Variants in ELF1 observed in about 807,000 individuals in gnomAD.
ELF1 encodes the protein ETS-related transcription factor Elf-1.
In ELF1, 24 loss-of-function variants were observed where a neutral mutation model predicts 59.9. That is an observed-to-expected ratio of 0.40 (90% CI 0.29 to 0.56). The LOEUF is 0.56. Among genes scored for constraint, ELF1 ranks in the 20% least tolerant of loss-of-function variants. The probability of loss-of-function intolerance (pLI) is 0.44; values close to 1 mark genes in which losing one functional copy is unlikely to be tolerated. For synonymous variants in ELF1, 248 were observed against 266.2 expected, an observed-to-expected ratio of 0.93 and a Z score of 0.67; for missense variants, 627 against 742.2, an observed-to-expected ratio of 0.84 and a Z score of 1.80.
intron 1 of ELF1, among the ~76,000 whole-genome samples, chr13:41,033,689 G>A (rs1264896783): frequency 6.6e-6 from 1 of 152,194 alleles, no homozygotes; most frequent in Non-Finnish European, 1.5e-5. Flanking sequence ...CTCCTTATGA[G>A]AATCTAACGC....
chr13:40,940,724 T>C (rs111381229), intron 8 of ELF1, among the ~76,000 whole-genome samples, 197 bp downstream of exon 8: 2 of 152,348 alleles, frequency 1.3e-5, no homozygotes, highest in African/African-American at 2.4e-5. Context: ...AATGTCAAAA[T>C]GTAAATAAAG....
chr13:41,049,079 C>G (rs1876981198), intron 1 of ELF1, among the ~76,000 whole-genome samples: 1 of 152,190 alleles, frequency 6.6e-6, no homozygotes, highest in Non-Finnish European at 1.5e-5. Context: ...TGCCCCAATT[C>G]TGGACTACTC....
exon 1 of ELF1, chr13:41,060,847 A>C (rs556041668): frequency 4.6e-5 from 14 of 303,174 alleles, no homozygotes; most frequent in African/African-American, 2.9e-4. Flanking sequence ...CCTGACAAGC[A>C]TAAGTGCCTC....
chr13:40,958,187 A>C (rs920056727), intron 3 of ELF1, among the ~76,000 whole-genome samples: 13 of 152,264 alleles, frequency 8.5e-5, no homozygotes, highest in African/African-American at 2.9e-4. Flanking sequence ...CTACAATCTC[A>C]CATTTATGTA....
upstream of ELF1, among the ~76,000 whole-genome samples, chr13:41,022,293 G>T (rs1400184235): frequency 6.6e-6 from 1 of 152,186 alleles, no homozygotes; most frequent in Non-Finnish European, 1.5e-5. Flanking sequence ...GCATTAGGCT[G>T]AACAAAATAA....
intron 5 of ELF1, among the ~76,000 whole-genome samples, chr13:40,947,651 C>T (rs945043416): frequency 6.6e-5 from 10 of 152,132 alleles, no homozygotes; most frequent in Non-Finnish European, 1.5e-5. Flanking sequence ...AACTATGGGG[C>T]ACCAGGCAGA....
At chr13:40,978,079 G>T (rs1470943724) in intron 2 of ELF1, among the ~76,000 whole-genome samples, 1 of 152,106 alleles carries the variant, frequency 6.6e-6, no homozygotes, top group Admixed American at 6.5e-5. Flanking sequence ...ACATATGAAA[G>T]ATACTAGAAG....
At chr13:40,975,246 T>G (rs557797942) in intron 2 of ELF1, among the ~76,000 whole-genome samples, 9 of 152,354 alleles carry the variant, frequency 5.9e-5, no homozygotes, top group Non-Finnish European at 1.0e-4. Flanking sequence ...CTTTATGAGG[T>G]ACACCTAATC....
chr13:41,010,684 A>G (rs927495626), intron 1 of ELF1, among the ~76,000 whole-genome samples: 3 of 152,134 alleles, frequency 2.0e-5, no homozygotes, highest in Non-Finnish European at 4.4e-5. Flanking sequence ...ATATCCCAAC[A>G]TCAAGAATAA....
At chr13:41,009,943 G>C (rs1302317095) in intron 1 of ELF1, among the ~76,000 whole-genome samples, 1 of 151,668 alleles carries the variant, frequency 6.6e-6, no homozygotes, top group Non-Finnish European at 1.5e-5. Flanking sequence ...GGACCACAAA[G>C]AGCCTTTGTT....
At chr13:41,037,007 G>A (rs1405290715) in intron 1 of ELF1, among the ~76,000 whole-genome samples, 4 of 152,088 alleles carry the variant, frequency 2.6e-5, no homozygotes, top group Middle Eastern at 6.8e-3. Context: ...TAATGTAAAT[G>A]ACGAGTTAAT....
rs528981271 is a variant in ELF1, at chr13:40,958,910, A to G, written c.179T>C (p.Met60Thr). Residue 60 changes from methionine (M) to threonine (T), a missense_variant, in exon 3 of 9, where the codon ATG becomes ACG. Met to Thr is a moderately conservative substitution (Grantham distance 81). This residue lies in a region of ELF1 where 232 missense variants were observed against 269.2 expected (regional missense o/e 0.86). Transcript: ENST00000239882. ...GLACVEEPND[M>T]ITESSLDVAE... ...AACATCCAGTGAACTCTCAGTAATC[A>G]TGTCATTGGGCTCTTCCACACAGGC... The G allele has an allele frequency of 1.2e-6, 2 of 1,614,096 alleles. No homozygotes were observed. The highest frequency in any genetic ancestry group is 1.3e-5 in the African/African-American group (1 of 75,040).
intron 1 of ELF1, among the ~76,000 whole-genome samples, chr13:41,008,715 G>T (rs1180824719): frequency 6.6e-6 from 1 of 152,188 alleles, no homozygotes; most frequent in African/African-American, 2.4e-5. Context: ...GAGCTTTGGT[G>T]TAGTATCAAA....
rs894852522 is a variant in ELF1, at chr13:40,954,400, T to C, written c.254-2964A>G. Among the ~76,000 whole-genome samples the C allele has an allele frequency of 2.5e-5, 3 of 117,896 alleles. No individual in the cohort carries two copies. In the Admixed American group the frequency reaches 2.9e-4, roughly 11 times the overall value. The allele number at this position is 117,896 out of a possible 152,430, so 77.3% of individuals were successfully genotyped here. ...ACAGTGAATGAGTTCTCATGAGATC[T>C]AGTGGTTTGAAAGTGTGTAGCTCTC... On this transcript the variant is annotated intron_variant, in intron 3 of 8. Coordinates refer to ENST00000239882, the MANE Select transcript of ELF1 (RefSeq NM_172373.4).
At position 40,951,378 on chromosome 13, in the gene ELF1, T is replaced by A. The variant is rs745361495; in HGVS notation, c.312A>T (p.Ala104=). 2 of 1,613,842 alleles carry A rather than the reference T, an allele frequency of 1.2e-6. No homozygotes were observed. The highest frequency in any genetic ancestry group is 1.7e-6 in the Non-Finnish European group (2 of 1,179,886). ...ETIETIEAAE[A]LLNMDSPGPM... is the part of the protein sequence containing the mutation. ...GGCCAGGGGAATCCATATTGAGGAG[T>A]GCCTCAGCAGCCTCAATAGTTTCAA... The change falls in exon 4 of 9, where the codon GCA becomes GCT. Residue 104 remains alanine (A), a synonymous_variant. Transcript: ENST00000239882.
At chr13:41,013,580 G>T (rs1875197461) in intron 1 of ELF1, among the ~76,000 whole-genome samples, 1 of 152,144 alleles carries the variant, frequency 6.6e-6, no homozygotes, top group South Asian at 2.1e-4. Flanking sequence ...ATGAATAGGA[G>T]TGGGGGCCTT....
chr13:41,045,868 A>G (rs573353095), intron 1 of ELF1, among the ~76,000 whole-genome samples: 1 of 152,118 alleles, frequency 6.6e-6, no homozygotes, highest in Non-Finnish European at 1.5e-5. Context: ...TGATCTGTCT[A>G]ATGTTGACAG....
chr13:41,044,305 T>C (rs1023472180), intron 1 of ELF1, among the ~76,000 whole-genome samples: 2 of 152,184 alleles, frequency 1.3e-5, no homozygotes, highest in Non-Finnish European at 2.9e-5. Context: ...TCCTGCCTAA[T>C]TGCCCTGGCC....
At chr13:41,030,954 A>C (rs1876135754) in intron 1 of ELF1, among the ~76,000 whole-genome samples, 1 of 151,586 alleles carries the variant, frequency 6.6e-6, no homozygotes, top group Non-Finnish European at 1.5e-5. Flanking sequence ...TGAGCCTAGG[A>C]GTTCAACAGT....
Sources: gnomAD v4.1 joint callset for allele counts (sites outside exome capture counted in the v4.1 genomes callset) on GRCh38, gnomAD v4.1.1 for gene constraint, gnomAD v4.1.1 regional missense constraint, MANE v1.5 for transcripts, NCBI Gene and HGNC (gene_info 2026-07-23, HGNC 2026-07-21) for gene names.